RERG: variants seen among roughly 807,000 people sequenced by gnomAD.
The protein encoded by RERG is RAS like estrogen regulated growth inhibitor.
Under a neutral mutation model 23.2 loss-of-function variants are expected in RERG, and 25 were observed. The ratio of observed to expected loss-of-function variants is 1.08; its 90% CI spans 0.79 to 1.50. The LOEUF (loss-of-function observed/expected upper bound fraction) is 1.50. Ranked by LOEUF, RERG falls within the 40% of genes most tolerant of loss-of-function variation. RERG has a pLI of 0.00. For missense variants in RERG, 253 were observed against 250.1 expected (o/e 1.01, Z -0.08); for synonymous variants, 81 against 89.1 (o/e 0.91, Z 0.51).
At chr12:15,120,510 G>A (rs1260754779) in intron 3 of RERG, among the ~76,000 whole-genome samples, 4 of 151,710 alleles carry the variant, frequency 2.6e-5, no homozygotes, top group Admixed American at 2.6e-4. Flanking sequence ...AAAAAACCAG[G>A]AAGAGTGTTT....
At chr12:15,123,045 C>G (rs1262804832) in intron 2 of RERG, among the ~76,000 whole-genome samples, 1 of 152,134 alleles carries the variant, frequency 6.6e-6, no homozygotes, top group Admixed American at 6.6e-5. Context: ...GATCTGCCCA[C>G]CTCGGCCTCC....
At chr12:15,172,659 A>G (rs965772571) in intron 2 of RERG, among the ~76,000 whole-genome samples, 1 of 152,064 alleles carries the variant, frequency 6.6e-6, no homozygotes, top group African/African-American at 2.4e-5. Flanking sequence ...AATTAAAGCT[A>G]TCCTAGTGGG....
intron 2 of RERG, among the ~76,000 whole-genome samples, chr12:15,179,544 A>T (rs944098237): frequency 6.6e-6 from 1 of 152,244 alleles, no homozygotes; most frequent in African/African-American, 2.4e-5. Flanking sequence ...AACTTTCTAC[A>T]GTATCTGGCT....
intron 2 of RERG, among the ~76,000 whole-genome samples, chr12:15,212,329 G>A (rs1394754782): frequency 2.0e-5 from 3 of 151,644 alleles, no homozygotes; most frequent in Non-Finnish European, 2.9e-5. Context: ...AAAGTGCTGG[G>A]ATTACAGGCG....
intron 3 of RERG, among the ~76,000 whole-genome samples, chr12:15,118,256 C>A (rs1159730579): frequency 3.3e-5 from 5 of 152,000 alleles, no homozygotes; most frequent in African/African-American, 1.2e-4. Context: ...TCACTTGCTA[C>A]TATAGTAGCA....
intron 2 of RERG, among the ~76,000 whole-genome samples, chr12:15,192,986 C>T (rs962218058): frequency 2.6e-5 from 4 of 152,006 alleles, no homozygotes; most frequent in South Asian, 2.1e-4. Context: ...TAGTGTCTGC[C>T]GGATTTTTTT....
intron 2 of RERG, among the ~76,000 whole-genome samples, chr12:15,163,019 C>A (rs1864636047): frequency 6.6e-6 from 1 of 152,128 alleles, no homozygotes; most frequent in Admixed American, 6.5e-5. Context: ...TTTGCTGAAG[C>A]AATATGAGTA....
chr12:15,169,563 T>G (rs2136120637), intron 2 of RERG, among the ~76,000 whole-genome samples: 1 of 152,278 alleles, frequency 6.6e-6, no homozygotes, highest in South Asian at 2.1e-4. Context: ...GGCCTCCAGC[T>G]TGCAGACAGC....
intron 2 of RERG, among the ~76,000 whole-genome samples, chr12:15,124,555 T>G (rs1863901315): frequency 6.6e-6 from 1 of 152,146 alleles, no homozygotes; most frequent in Non-Finnish European, 1.5e-5. Context: ...GTAACTTGAT[T>G]AACAATGTAT....
chr12:15,214,373 G>A (rs187229848), intron 2 of RERG, among the ~76,000 whole-genome samples: 44 of 152,162 alleles, frequency 2.9e-4, no homozygotes, highest in African/African-American at 9.2e-4. Context: ...CAAGCTATAC[G>A]ACTCCTCGTT....
chr12:15,180,020 A>T (rs568679874), intron 2 of RERG, among the ~76,000 whole-genome samples: 1 of 152,346 alleles, frequency 6.6e-6, no homozygotes, highest in South Asian at 2.1e-4. Context: ...GAGATATAAA[A>T]TTCACACATA....
intron 2 of RERG, among the ~76,000 whole-genome samples, chr12:15,142,293 G>A (rs1864250977): frequency 6.6e-6 from 1 of 152,070 alleles, no homozygotes; most frequent in Non-Finnish European, 1.5e-5. Flanking sequence ...CAACACAAAT[G>A]CCACAGGAAT....
chr12:15,128,278 AAAG>A (rs72563774), intron 2 of RERG, among the ~76,000 whole-genome samples: 182 of 152,362 alleles, frequency 1.2e-3, no homozygotes, highest in Non-Finnish European at 1.9e-3. Context: ...ACTTTTAGAT[AAAG>A]AAGATTTTTG....
chr12:15,156,157 A>T (rs556973156), intron 2 of RERG, among the ~76,000 whole-genome samples: 13 of 152,198 alleles, frequency 8.5e-5, no homozygotes, highest in Non-Finnish European at 1.8e-4. Flanking sequence ...GACGAAAAAT[A>T]ACATTTTGAG....
At chr12:15,137,981 C>A in intron 2 of RERG, 1 of 367,722 alleles carries the variant, frequency 2.7e-6, no homozygotes, top group Non-Finnish European at 5.4e-6. Context: ...TTTTTGTTGC[C>A]CAAGAAAGTC....
intron 2 of RERG, among the ~76,000 whole-genome samples, chr12:15,144,172 A>C (rs887665221): frequency 6.6e-6 from 1 of 152,188 alleles, no homozygotes; most frequent in Non-Finnish European, 1.5e-5. Context: ...GAGATAAAGA[A>C]AGACTGCAGG....
chr12:15,207,389 G>C (rs1019914944), intron 2 of RERG, among the ~76,000 whole-genome samples: 2 of 152,094 alleles, frequency 1.3e-5, no homozygotes, highest in Non-Finnish European at 2.9e-5. Context: ...CACACACATT[G>C]CTCAGGTACA....
chr12:15,221,090 G>A (rs774459020), intron 1 of RERG, 105 bp downstream of exon 1: 3 of 152,256 alleles, frequency 2.0e-5, no homozygotes, highest in Non-Finnish European at 1.5e-5. Flanking sequence ...AGGAGAACCC[G>A]GTGACCAAGA....
At chr12:15,197,933 C>T (rs1489277543) in intron 2 of RERG, among the ~76,000 whole-genome samples, 1 of 152,138 alleles carries the variant, frequency 6.6e-6, no homozygotes, top group Non-Finnish European at 1.5e-5. Context: ...AGGAGACTGG[C>T]TCTTTCCTCC....
Sources: gnomAD v4.1 joint callset for allele counts (sites outside exome capture counted in the v4.1 genomes callset) on GRCh38, gnomAD v4.1.1 for gene constraint, MANE v1.5 for transcripts, NCBI Gene and HGNC (gene_info 2026-07-23, HGNC 2026-07-21) for gene names.